The following KLF8 variants were observed in gnomAD, a reference collection of about 807,000 sequenced individuals.
KLF8 encodes the protein KLF transcription factor 8, also known as Krueppel-like factor 8.
A neutral mutation model predicts 18.2 loss-of-function variants in KLF8; 10 were observed. The ratio of observed to expected loss-of-function variants is 0.55; its 90% CI spans 0.34 to 0.93. The LOEUF is 0.93. KLF8 is among the 40% of genes least tolerant of loss of function. KLF8 has a pLI of 0.02. For synonymous variants in KLF8, 109 were observed against 97.3 expected (o/e 1.12, Z -0.71); for missense variants, 264 against 277.9 (o/e 0.95, Z 0.36).
chrX:56,184,153 CG>C, the KLF8 span, among the ~76,000 whole-genome samples: 28 of 112,226 alleles, frequency 2.5e-4, no homozygotes, highest in African/African-American at 8.1e-4. Context: ...CCTGGAAAAT[CG>C]GGTCACTCCC....
At chrX:56,030,586 C>CA in the KLF8 span, among the ~76,000 whole-genome samples, 1 of 110,541 alleles carries the variant, frequency 9.0e-6, no homozygotes, top group Admixed American at 9.6e-5. Context: ...TCATCTATCC[C>CA]AGTATATTGC....
chrX:56,166,894 T>C, the KLF8 span, among the ~76,000 whole-genome samples: 1 of 111,153 alleles, frequency 9.0e-6, no homozygotes, highest in African/African-American at 3.3e-5. Context: ...TAAGAAACAA[T>C]GTCTATTAAT....
chrX:56,144,803 T>TTTGC, the KLF8 span, among the ~76,000 whole-genome samples: 1 of 106,163 alleles, frequency 9.4e-6, no homozygotes, highest in Non-Finnish European at 1.9e-5. Context: ...TGTTTGTTTG[T>TTTGC]TTGTTTTGAG....
chrX:56,097,169 T>A, the KLF8 span, among the ~76,000 whole-genome samples: 1 of 111,272 alleles, frequency 9.0e-6, no homozygotes, highest in Non-Finnish European at 1.9e-5. Flanking sequence ...TCAATAAATG[T>A]AATTCATCAC....
the KLF8 span, among the ~76,000 whole-genome samples, chrX:56,194,345 G>A: frequency 9.0e-6 from 1 of 111,583 alleles, no homozygotes; most frequent in Non-Finnish European, 1.9e-5. Flanking sequence ...CTGGAAAAAC[G>A]GGACACTCCC....
the KLF8 span, chrX:55,961,640 A>G: frequency 7.2e-6 from 3 of 419,311 alleles, no homozygotes; most frequent in East Asian, 9.8e-5. Flanking sequence ...TGTTTTCTGC[A>G]AAGATTTTTT....
chrX:56,288,801 T>C lies in KLF8; in HGVS notation c.*4307T>C, dbSNP rs940864897. 8.9e-6 allele frequency among the ~76,000 whole-genome samples: 1 copy of C among 112,546 alleles called. No homozygotes were observed. Among genetic ancestry groups the C allele is most frequent in the African/African-American group, 3.2e-5 (1 of 31,001 alleles). On this transcript the variant is annotated 3_prime_UTR_variant, in exon 6 of 6. Transcript: ENST00000468660. ...AACTTTTAATTTGTAAAAAATGCAA[T>C]ATCAGCAAAGTGCAATAAAGTGAAG...
the KLF8 span, among the ~76,000 whole-genome samples, chrX:56,104,115 A>C: frequency 8.9e-6 from 1 of 111,859 alleles, no homozygotes; most frequent in African/African-American, 3.2e-5. Context: ...TCAGTTTGCC[A>C]GTATTTTAGT....
At chrX:56,224,974 T>A in the KLF8 span, among the ~76,000 whole-genome samples, 1,876 of 110,540 alleles carry the variant, frequency 0.017, 44 homozygotes, top group Admixed American at 0.078. Flanking sequence ...TAAAAAGGGG[T>A]GAACTCGTTC....
At chrX:55,929,980 C>A in the KLF8 span, among the ~76,000 whole-genome samples, 1 of 110,182 alleles carries the variant, frequency 9.1e-6, no homozygotes, top group South Asian at 3.9e-4. Context: ...GGCAGTATGG[C>A]CATTTTCACG....
the KLF8 span, among the ~76,000 whole-genome samples, chrX:56,127,971 A>AT: frequency 8.9e-6 from 1 of 111,755 alleles, no homozygotes; most frequent in Non-Finnish European, 1.9e-5. Flanking sequence ...ATAGATTAGA[A>AT]TAGGGAGCTT....
At chrX:56,253,716 T>C (rs1329462463) in intron 2 of KLF8, among the ~76,000 whole-genome samples, 2 of 109,540 alleles carry the variant, frequency 1.8e-5, no homozygotes, top group South Asian at 4.0e-4. Flanking sequence ...ATATAAATTT[T>C]CGGATTTCGT....
the KLF8 span, among the ~76,000 whole-genome samples, chrX:55,919,312 T>A: frequency 8.9e-6 from 1 of 111,881 alleles, no homozygotes; most frequent in Non-Finnish European, 1.9e-5. Context: ...GAGACTCACT[T>A]CGTGAACTTT....
the KLF8 span, among the ~76,000 whole-genome samples, chrX:56,036,359 G>A: frequency 3.6e-5 from 4 of 111,363 alleles, no homozygotes; most frequent in Non-Finnish European, 1.9e-5. Flanking sequence ...TTTTGTATAG[G>A]GTGAGAGTTG....
chrX:56,001,074 C>T, the KLF8 span, among the ~76,000 whole-genome samples: 1 of 112,206 alleles, frequency 8.9e-6, no homozygotes. Flanking sequence ...CTTATTGTTG[C>T]TATCACTGAT....
the KLF8 span, among the ~76,000 whole-genome samples, chrX:56,175,946 G>T: frequency 3.6e-5 from 4 of 110,812 alleles, no homozygotes; most frequent in African/African-American, 6.6e-5. Flanking sequence ...TTTTCCATTT[G>T]CTTGGCAAAT....
At chrX:56,135,301 C>A in the KLF8 span, among the ~76,000 whole-genome samples, 7 of 111,592 alleles carry the variant, frequency 6.3e-5, no homozygotes, top group Non-Finnish European at 1.3e-4. Flanking sequence ...GGAACCAACC[C>A]AAATTTCCAA....
the KLF8 span, among the ~76,000 whole-genome samples, chrX:56,066,454 T>C: frequency 1.8e-5 from 2 of 111,710 alleles, no homozygotes; most frequent in Non-Finnish European, 3.8e-5. Flanking sequence ...GCAGCAGTAG[T>C]TTTGTTGCTT....
the KLF8 span, among the ~76,000 whole-genome samples, chrX:56,146,121 AAATTAGCTC>A: frequency 8.9e-6 from 1 of 112,165 alleles, no homozygotes; most frequent in Admixed American, 9.5e-5. Flanking sequence ...GTGGGAGTGT[AAATTAGCTC>A]AATCATTTTG....
Sources: gnomAD v4.1 joint callset for allele counts (sites outside exome capture counted in the v4.1 genomes callset) on GRCh38, gnomAD v4.1.1 for gene constraint, MANE v1.5 for transcripts, NCBI Gene and HGNC (gene_info 2026-07-23, HGNC 2026-07-21) for gene names.